The following ZNF143 variants were observed in gnomAD, a reference collection of about 807,000 sequenced individuals.
ZNF143 encodes the protein SPH-binding factor.
Under a neutral mutation model 74.1 loss-of-function variants are expected in ZNF143, and 49 were observed. The ratio of observed to expected loss-of-function variants is 0.66; its 90% confidence interval spans 0.53 to 0.84. The LOEUF (loss-of-function observed/expected upper bound fraction) is 0.84, where lower values mean the gene tolerates loss of function less well. Ranked by LOEUF, ZNF143 falls within the 40% of genes least tolerant of loss-of-function variation. The pLI is 0.00. For missense variants in ZNF143, 637 were observed against 793.4 expected (o/e 0.80, Z 2.37); for synonymous variants, 304 against 282.8 (o/e 1.07, Z -0.75).
At chr11:9,502,450 A>C (rs1302011234) in intron 11 of ZNF143, among the ~76,000 whole-genome samples, 1 of 150,604 alleles carries the variant, frequency 6.6e-6, no homozygotes, top group African/African-American at 2.4e-5. Flanking sequence ...GTCTACTAAA[A>C]ACACAAAAAA....
At chr11:9,506,498 C>T (rs1848369866) in intron 11 of ZNF143, among the ~76,000 whole-genome samples, 2 of 152,216 alleles carry the variant, frequency 1.3e-5, no homozygotes, top group African/African-American at 4.8e-5. Flanking sequence ...TCAAATGAGT[C>T]TGCATATTGG....
chr11:9,463,618 G>A (rs1313116418), intron 1 of ZNF143, among the ~76,000 whole-genome samples: 3 of 152,118 alleles, frequency 2.0e-5, no homozygotes, highest in Non-Finnish European at 4.4e-5. Flanking sequence ...TTTAAAGTTG[G>A]ATTATTCGTC....
At chr11:9,464,732 C>A (rs1856092345) in intron 1 of ZNF143, among the ~76,000 whole-genome samples, 1 of 151,830 alleles carries the variant, frequency 6.6e-6, no homozygotes, top group Non-Finnish European at 1.5e-5. Context: ...TGAGCCCGAC[C>A]AACATGGTGA....
At chr11:9,461,217 G>C (rs2133789817) in intron 1 of ZNF143, 141 bp downstream of exon 1, 1 of 406,550 alleles carries the variant, frequency 2.5e-6, no homozygotes, top group South Asian at 1.0e-4. Flanking sequence ...CCGATTTTAT[G>C]GGCCGGCCGC....
At chr11:9,498,138 G>A (rs1191567249) in intron 10 of ZNF143, among the ~76,000 whole-genome samples, 1 of 152,228 alleles carries the variant, frequency 6.6e-6, no homozygotes, top group African/African-American at 2.4e-5. Flanking sequence ...CCTAGGCCAA[G>A]TTAATCTGCA....
rs1565025166 is a variant in ZNF143, at chr11:9,473,346, A to AGT, written c.205+577_205+578insGT. 3.3e-5 allele frequency among the ~76,000 whole-genome samples: 5 copies of AGT among 150,600 alleles called. No individual in the cohort carries two copies. The East Asian group carries it at 9.8e-4, about 29-fold the overall frequency. On this transcript the variant is annotated intron_variant, in intron 3 of 15. Transcript: ENST00000396602. ...GCAGAGGTTGCAGTGAGCCGAGATC[A>AGT]CGCCATTGCACTCCGGCCTGGGCAA...
chr11:9,516,699 T>G (rs910805508), intron 14 of ZNF143, among the ~76,000 whole-genome samples: 1 of 152,230 alleles, frequency 6.6e-6, no homozygotes, highest in African/African-American at 2.4e-5. Flanking sequence ...CTATTTAATT[T>G]TTTGAATATG....
intron 7 of ZNF143, among the ~76,000 whole-genome samples, chr11:9,479,829 C>A (rs1467255976): frequency 6.6e-6 from 1 of 152,182 alleles, no homozygotes; most frequent in East Asian, 1.9e-4. Flanking sequence ...TTGTGGAGAC[C>A]AGGTGACTTC....
intron 1 of ZNF143, among the ~76,000 whole-genome samples, chr11:9,463,003 C>T (rs967671487): frequency 5.9e-5 from 9 of 152,178 alleles, no homozygotes; most frequent in African/African-American, 2.2e-4. Flanking sequence ...TCAGTTGTCC[C>T]CTCCACCCCA....
At position 9,512,485 on chromosome 11, in the gene ZNF143, G is replaced by A. The variant is rs139281893; in HGVS notation, c.1413G>A (p.Thr471=). The part of the protein sequence containing the change: ...GEDVLKGSQI[T]YVTGVEGDDV... ...ATGTTCTTAAAGGGTCCCAGATTAC[G>A]TATGTTACAGGTGTAGAAGGGGACG... is the stretch of plus-strand genomic sequence containing the variant. Residue 471 remains threonine, a synonymous_variant, in exon 13 of 16, where the codon ACG becomes ACA. Coordinates refer to ENST00000396602, the MANE Select transcript of ZNF143 (RefSeq NM_003442.6). 28 of 1,614,060 alleles carry A rather than the reference G, an allele frequency of 1.7e-5. No homozygotes were observed. The highest frequency in any genetic ancestry group is 1.5e-4 in the South Asian group (14 of 91,086).
Position 9,472,690 on chromosome 11 carries a change from A to G in ZNF143, c.126A>G (p.Leu42=). 3 of 1,611,122 alleles carry G rather than the reference A, an allele frequency of 1.9e-6. No individual in the cohort carries two copies. Among genetic ancestry groups the G allele is most frequent in the Non-Finnish European group, 2.5e-6 (3 of 1,179,154 alleles). Residue 42 remains leucine (L), a synonymous_variant, in exon 3 of 16, where the codon TTA becomes TTG. Coordinates refer to ENST00000396602, the MANE Select transcript of ZNF143 (RefSeq NM_003442.6). ...TTTTTGTAATAGATGGTGACAACTT[A>G]GAAAATATGGAAGGCGTAAGCTTGC... ...EAVTVADGDN[L]ENMEGVSLQA...
rs988674988 is a variant in ZNF143 at position 9,520,802 on chromosome 11, A to G, written c.1687-4438A>G. Among the ~76,000 whole-genome samples, 8 of 152,222 alleles carry G rather than the reference A, an allele frequency of 5.3e-5. No homozygotes were observed. In the East Asian group the frequency reaches 1.5e-3, roughly 29 times the overall value. On this transcript the variant is annotated intron_variant, in intron 14 of 15. Coordinates refer to ENST00000396602, the MANE Select transcript of ZNF143 (RefSeq NM_003442.6). The stretch of plus-strand genomic sequence containing the variant: ...ACTCCGTCTCAAAAAAATAAAAAAT[A>G]AAAAAGAATTCTGTTTGTTTCATAT...
intron 11 of ZNF143, among the ~76,000 whole-genome samples, chr11:9,502,536 G>T (rs1848204125): frequency 6.6e-6 from 1 of 150,628 alleles, no homozygotes; most frequent in South Asian, 2.1e-4. Flanking sequence ...CATGAACCCG[G>T]GAGGCAGAGC....
Position 9,528,339 on chromosome 11 carries a change from TC to T in ZNF143, c.*727del, listed in dbSNP as rs1250408950. 6.6e-6 allele frequency: 1 copy of T among 152,214 alleles called. No homozygotes were observed. The highest frequency in any genetic ancestry group is 6.5e-5 in the Admixed American group (1 of 15,272). The allele number at this position is 152,214 out of a possible 1,614,324, so 9.4% of individuals were successfully genotyped here. Reference sequence around the variant, plus strand: ...ATTACTGTTTTTTAAAAATAATGAATCATCAAAGTTTAACCACAGGCTGGTG... The same window carrying T: ...ATTACTGTTTTTTAAAAATAATGAATATCAAAGTTTAACCACAGGCTGGTG... On this transcript the variant is annotated 3_prime_UTR_variant, in exon 16 of 16. Coordinates refer to ENST00000396602, the MANE Select transcript of ZNF143 (RefSeq NM_003442.6).
intron 10 of ZNF143, among the ~76,000 whole-genome samples, chr11:9,500,415 G>A (rs977104080): frequency 6.7e-6 from 1 of 148,716 alleles, no homozygotes; most frequent in Non-Finnish European, 1.5e-5. Context: ...GCATTATCTT[G>A]TTGAACATTA....
At chr11:9,501,384 T>G (rs532107305) in intron 11 of ZNF143, 114 bp downstream of exon 11, 1 of 1,247,596 alleles carries the variant, frequency 8.0e-7, no homozygotes, top group East Asian at 2.4e-5. Flanking sequence ...CTTGGCATGG[T>G]GGAAAGAGAT....
chr11:9,486,407 T>TA (rs1847515555), intron 7 of ZNF143, among the ~76,000 whole-genome samples: 2 of 24,702 alleles, frequency 8.1e-5, no homozygotes, highest in East Asian at 2.8e-3. Context: ...ATATATTATA[T>TA]ATATAATATA....
intron 7 of ZNF143, among the ~76,000 whole-genome samples, chr11:9,482,665 T>A (rs1847293688): frequency 6.6e-6 from 1 of 151,234 alleles, no homozygotes; most frequent in Non-Finnish European, 1.5e-5. Flanking sequence ...TCTTTTTTTT[T>A]TTTTTTTACT....
chr11:9,473,391 CAAAA>C (rs56303913), intron 3 of ZNF143, among the ~76,000 whole-genome samples: 2 of 127,560 alleles, frequency 1.6e-5, no homozygotes, highest in Non-Finnish European at 3.3e-5. Context: ...AACTCTGTCT[CAAAA>C]AAAAAAAAAA....
Sources: allele counts gnomAD v4.1 joint callset (sites outside exome capture counted in the v4.1 genomes callset), GRCh38; gene constraint gnomAD v4.1.1; transcripts MANE v1.5; gene names NCBI Gene and HGNC (gene_info 2026-07-23, HGNC 2026-07-21).